RAP1A: variants seen among roughly 807,000 people sequenced by gnomAD.
RAP1A encodes the protein RAP1A, member of RAS oncogene family.
Under a neutral mutation model 26.4 loss-of-function variants are expected in RAP1A, and 6 were observed. The ratio of observed to expected loss-of-function variants is 0.23; its 90% CI spans 0.12 to 0.45. The LOEUF is 0.45. RAP1A is among the 20% of genes least tolerant of loss of function. The pLI is 0.99. For missense variants in RAP1A, 121 were observed against 217.2 expected (o/e 0.56, Z 2.78); for synonymous variants, 73 against 79.4 (o/e 0.92, Z 0.43).
intron 1 of RAP1A, among the ~76,000 whole-genome samples, chr1:111,621,588 ATCT>A (rs1371129422): frequency 2.0e-5 from 3 of 152,184 alleles, no homozygotes; most frequent in East Asian, 1.9e-4. Context: ...TAGTTATTAA[ATCT>A]TCTGTCCTTT....
upstream of RAP1A, among the ~76,000 whole-genome samples, chr1:111,616,466 T>A (rs1184409844): frequency 6.6e-6 from 1 of 152,076 alleles, no homozygotes; most frequent in Non-Finnish European, 1.5e-5. Flanking sequence ...GTGCTTCCTG[T>A]CCCCTAACCG....
intron 1 of RAP1A, among the ~76,000 whole-genome samples, chr1:111,667,480 T>C (rs571212331): frequency 1.3e-5 from 2 of 151,712 alleles, no homozygotes; most frequent in Non-Finnish European, 2.9e-5. Context: ...ACGTCAGGAG[T>C]TCGAGACCAG....
chr1:111,658,325 CAG>C (rs1660530413), intron 1 of RAP1A, among the ~76,000 whole-genome samples: 1 of 152,124 alleles, frequency 6.6e-6, no homozygotes, highest in African/African-American at 2.4e-5. Flanking sequence ...GCCTGGGCAA[CAG>C]AGTGAGACCC....
intron 1 of RAP1A, among the ~76,000 whole-genome samples, chr1:111,606,534 G>A (rs1412444430): frequency 2.0e-5 from 3 of 152,100 alleles, no homozygotes; most frequent in Non-Finnish European, 4.4e-5. Flanking sequence ...GGCACTGCAC[G>A]GCCCAGTAGT....
intron 1 of RAP1A, among the ~76,000 whole-genome samples, chr1:111,549,013 G>A (rs908031590): frequency 2.6e-5 from 4 of 152,142 alleles, no homozygotes; most frequent in Non-Finnish European, 4.4e-5. Context: ...CTTCTCATAT[G>A]TGTTTTCCAT....
chr1:111,567,693 T>C (rs1478939608), intron 1 of RAP1A, among the ~76,000 whole-genome samples: 1 of 152,230 alleles, frequency 6.6e-6, no homozygotes, highest in Non-Finnish European at 1.5e-5. Flanking sequence ...TGTGTCTCTC[T>C]GTCACTCTTA....
chr1:111,676,811 A>G (rs78274395), intron 1 of RAP1A, among the ~76,000 whole-genome samples: 5 of 150,136 alleles, frequency 3.3e-5, no homozygotes, highest in Admixed American at 3.3e-4. Context: ...TTTTTTTTTA[A>G]GAGACCAAGT....
intron 1 of RAP1A, among the ~76,000 whole-genome samples, chr1:111,679,059 A>T (rs183137232): frequency 6.6e-6 from 1 of 152,308 alleles, no homozygotes; most frequent in Admixed American, 6.5e-5. Context: ...ACCCAGATAA[A>T]TGAAAGCTCT....
chr1:111,576,403 T>C (rs1466674877), intron 1 of RAP1A, among the ~76,000 whole-genome samples: 1 of 152,344 alleles, frequency 6.6e-6, no homozygotes, highest in East Asian at 1.9e-4. Context: ...TAAGTATATA[T>C]ATAATAATTC....
chr1:111,683,206 G>A (rs1370762605), intron 1 of RAP1A, among the ~76,000 whole-genome samples: 1 of 152,038 alleles, frequency 6.6e-6, no homozygotes, highest in African/African-American at 2.4e-5. Flanking sequence ...CATGCCCAGA[G>A]GAGAAAGCAG....
chr1:111,589,901 A>G (rs1191175424), intron 1 of RAP1A, among the ~76,000 whole-genome samples: 1 of 152,046 alleles, frequency 6.6e-6, no homozygotes, highest in African/African-American at 2.4e-5. Flanking sequence ...CTGGGACTAC[A>G]GGCACACGTC....
chr1:111,703,390 CT>C lies in RAP1A; in HGVS notation c.239del (p.Leu80GlnfsTer17), dbSNP rs1662083520. On this transcript the variant is annotated frameshift_variant, in exon 5 of 8. Coordinates refer to ENST00000369709, the MANE Select transcript of RAP1A (RefSeq NM_002884.4). LOFTEE classifies it high-confidence loss of function. ...LYMKNGQGFA[L>X]VYSITAQSTF... ...TATGAAGAACGGCCAAGGTTTTGCA[CT>C]AGTATATTCTATTACAGCTCAGTCC... 1 of 1,601,340 alleles carries C rather than the reference CT, an allele frequency of 6.2e-7. No individual in the cohort carries two copies. The highest frequency in any genetic ancestry group is 8.5e-7 in the Non-Finnish European group (1 of 1,171,336).
At chr1:111,583,944 G>A (rs142059838) in intron 1 of RAP1A, among the ~76,000 whole-genome samples, 7,257 of 140,700 alleles carry the variant, frequency 0.052, 652 homozygotes, top group African/African-American at 0.18. Context: ...GCAGTGGCGC[G>A]ATCTCGGCTC....
intron 1 of RAP1A, among the ~76,000 whole-genome samples, chr1:111,607,960 A>C (rs1571494963): frequency 3.2e-5 from 3 of 92,326 alleles, no homozygotes; most frequent in South Asian, 4.2e-4. Flanking sequence ...GGCGCCCCTC[A>C]CCTCCCGGAC....
rs1659675928 is a variant in RAP1A at position 111,634,737 on chromosome 1, T to TGGG, written c.-28+14804_-28+14806dup. The stretch of plus-strand genomic sequence containing the variant: ...TCGGCTCACTGCAACCTCCACCTCC[T>TGGG]GGGTTCAAGCGATTCTTCTGCCTCA... On this transcript the variant is annotated intron_variant, in intron 1 of 7. Transcript: ENST00000369709. Among the ~76,000 whole-genome samples, 18 of 151,268 alleles carry TGGG rather than the reference T, an allele frequency of 1.2e-4. No homozygotes were observed. The South Asian group carries it at 3.8e-3, about 32-fold the overall frequency.
chr1:111,554,537 A>T (rs1280992871), intron 1 of RAP1A, among the ~76,000 whole-genome samples: 2 of 152,238 alleles, frequency 1.3e-5, no homozygotes, highest in African/African-American at 4.8e-5. Flanking sequence ...AGGTCTACAC[A>T]AATTCAAAAG....
At chr1:111,656,298 G>GTT (rs1336788476) in intron 1 of RAP1A, among the ~76,000 whole-genome samples, 1 of 152,110 alleles carries the variant, frequency 6.6e-6, no homozygotes, top group African/African-American at 2.4e-5. Context: ...ATGTCAAGCA[G>GTT]TAAACCTAGT....
intron 1 of RAP1A, among the ~76,000 whole-genome samples, chr1:111,661,615 A>G (rs1327763560): frequency 6.6e-6 from 1 of 152,030 alleles, no homozygotes; most frequent in Non-Finnish European, 1.5e-5. Flanking sequence ...CCTGACCAAC[A>G]TGGTGAAACC....
At chr1:111,564,051 G>C (rs1231019502) in intron 1 of RAP1A, 1 of 840,488 alleles carries the variant, frequency 1.2e-6, no homozygotes, top group Non-Finnish European at 2.0e-6. Flanking sequence ...GGAATTCCCT[G>C]TTTTGGGGGG....
Sources: allele counts gnomAD v4.1 joint callset (sites outside exome capture counted in the v4.1 genomes callset), GRCh38; gene constraint gnomAD v4.1.1; transcripts MANE v1.5; gene names NCBI Gene and HGNC (gene_info 2026-07-23, HGNC 2026-07-21).